Variants in MRPS35 observed in about 807,000 individuals in gnomAD.
The protein encoded by MRPS35 is small ribosomal subunit protein mS35.
In MRPS35, 29 loss-of-function variants were observed where a neutral mutation model predicts 32.7. The ratio of observed to expected loss-of-function variants is 0.89; its 90% CI spans 0.66 to 1.21. The LOEUF (loss-of-function observed/expected upper bound fraction) is 1.21, where lower values mean the gene tolerates loss of function less well. Among genes scored for constraint, MRPS35 ranks in the 50% most tolerant of loss-of-function variants. The pLI, the probability that MRPS35 is intolerant of heterozygous loss-of-function variation, is 0.00. For missense variants in MRPS35, 373 were observed against 383.8 expected (o/e 0.97, Z 0.23); for synonymous variants, 148 against 139.3 (o/e 1.06, Z -0.44).
At chr12:27,739,925 G>C (rs1420894740) in intron 7 of MRPS35, among the ~76,000 whole-genome samples, 1 of 152,210 alleles carries the variant, frequency 6.6e-6, no homozygotes, top group Non-Finnish European at 1.5e-5. Context: ...TTGATCTTTA[G>C]TGCTGATTAC....
intron 5 of MRPS35, among the ~76,000 whole-genome samples, chr12:27,727,556 G>GTT (rs989663590): frequency 6.6e-6 from 1 of 152,080 alleles, no homozygotes; most frequent in Non-Finnish European, 1.5e-5. Flanking sequence ...ACATAATGAT[G>GTT]TTTGTACATG....
At chr12:27,724,669 G>A (rs1016367202) in intron 5 of MRPS35, among the ~76,000 whole-genome samples, 3 of 152,060 alleles carry the variant, frequency 2.0e-5, no homozygotes, top group African/African-American at 7.2e-5. Flanking sequence ...CTTGAACCCG[G>A]GAGGCAGAGG....
At position 27,714,837 on chromosome 12, in the gene MRPS35, C is replaced by T. The variant is rs570643730; in HGVS notation, c.153+17C>T. 1.9e-4 allele frequency: 303 copies of T among 1,603,762 alleles called. 5 individuals are homozygous for T. In the South Asian group the frequency reaches 3.2e-3, roughly 17 times the overall value. On this transcript the variant is annotated intron_variant, in intron 2 of 7. Transcript: ENST00000081029. ...AGAAGAAAGGTAAAAAGTTCGTATA[C>T]TCTACTATCTTAATGGTTTCTGGAG...
intron 3 of MRPS35, among the ~76,000 whole-genome samples, chr12:27,717,717 T>A (rs1002224512): frequency 2.0e-5 from 3 of 152,140 alleles, no homozygotes; most frequent in African/African-American, 4.8e-5. Context: ...TTTAAAGAGG[T>A]CTTTGGAGAA....
rs574174510 is a variant in MRPS35, at chr12:27,723,494, A to G, written c.383-553A>G. ...TCACATAGAAAAAATATCAGTTCTT[A>G]TAAGAATCCATTTAAGGGCTTAGGC... On this transcript the variant is annotated intron_variant, in intron 4 of 7. Coordinates refer to ENST00000081029, the MANE Select transcript of MRPS35 (RefSeq NM_021821.4). 3.2e-4 allele frequency among the ~76,000 whole-genome samples: 49 copies of G among 152,310 alleles called. 1 individual carries two copies. The highest frequency in any genetic ancestry group is 1.0e-3 in the African/African-American group (42 of 41,566).
At chr12:27,716,530 C>A in intron 3 of MRPS35, 72 bp downstream of exon 3, 1 of 1,479,362 alleles carries the variant, frequency 6.8e-7, no homozygotes, top group Non-Finnish European at 9.4e-7. Flanking sequence ...CCTATTTCTG[C>A]TCTCTTATGC....
At chr12:27,751,127 G>GA (rs1360979683) in intron 7 of MRPS35, among the ~76,000 whole-genome samples, 1 of 89,598 alleles carries the variant, frequency 1.1e-5, no homozygotes, top group Non-Finnish European at 2.4e-5. Context: ...AAAAAAAAAA[G>GA]AAAAGAAAAG....
intron 7 of MRPS35, among the ~76,000 whole-genome samples, chr12:27,750,882 C>A (rs1018298966): frequency 6.6e-6 from 1 of 151,952 alleles, no homozygotes; most frequent in East Asian, 1.9e-4. Flanking sequence ...ACTGGCAGAT[C>A]ACCTGAGGTC....
chr12:27,747,100 C>T (rs1359634420), intron 7 of MRPS35, among the ~76,000 whole-genome samples: 1 of 152,178 alleles, frequency 6.6e-6, no homozygotes, highest in Admixed American at 6.5e-5. Context: ...ACCTCATTAC[C>T]AGCACTCAGG....
intron 7 of MRPS35, among the ~76,000 whole-genome samples, chr12:27,744,536 TG>T (rs1276814501): frequency 6.6e-6 from 1 of 152,262 alleles, no homozygotes; most frequent in Non-Finnish European, 1.5e-5. Flanking sequence ...CAGTTCATGA[TG>T]CAAATTTACA....
intron 7 of MRPS35, among the ~76,000 whole-genome samples, chr12:27,739,240 T>A (rs2061954395): frequency 6.6e-6 from 1 of 152,206 alleles, no homozygotes; most frequent in South Asian, 2.1e-4. Flanking sequence ...TAAGATGCAA[T>A]GAGCTACTTC....
In MRPS35 at chr12:27,755,237, G is replaced by A. The variant is rs1008713953; in HGVS notation, c.759G>A (p.Trp253Ter). ...KTEADMEEYIWENSSSERNIL... is the reference protein window; with the variant it reads ...KTEADMEEYI ...AAGCAGACATGGAAGAGTATATATGGGAAAATAGCTCATCAGAAAGAAATA... is the reference window on the plus strand; with the variant it reads ...AAGCAGACATGGAAGAGTATATATGAGAAAATAGCTCATCAGAAAGAAATA... The change falls in exon 8 of 8, where the codon TGG becomes TGA. Residue 253 changes from tryptophan (W) to a stop codon, truncating the protein, a stop_gained. Coordinates refer to ENST00000081029, the MANE Select transcript of MRPS35 (RefSeq NM_021821.4). LOFTEE classifies it low-confidence loss of function (END_TRUNC). 1.2e-6 allele frequency: 2 copies of A among 1,609,448 alleles called. No individual in the cohort carries two copies. The highest frequency in any genetic ancestry group is 2.7e-5 in the African/African-American group (2 of 74,468).
chr12:27,740,697 G>A (rs1037106213), intron 7 of MRPS35, among the ~76,000 whole-genome samples: 3 of 152,190 alleles, frequency 2.0e-5, no homozygotes, highest in African/African-American at 7.2e-5. Flanking sequence ...GACTCCAGTA[G>A]AAGGATATTA....
chr12:27,740,778 C>A (rs1455918910), intron 7 of MRPS35, among the ~76,000 whole-genome samples: 1 of 152,180 alleles, frequency 6.6e-6, no homozygotes, highest in Non-Finnish European at 1.5e-5. Flanking sequence ...ATAGACATCG[C>A]AAAGCCTAAG....
At chr12:27,729,198 T>C (rs2061911784) in intron 5 of MRPS35, among the ~76,000 whole-genome samples, 1 of 152,124 alleles carries the variant, frequency 6.6e-6, no homozygotes, top group African/African-American at 2.4e-5. Context: ...ATTTGAAAGT[T>C]TCCTTGTATT....
At chr12:27,730,694 C>G (rs1402614348) in intron 5 of MRPS35, among the ~76,000 whole-genome samples, 1 of 152,098 alleles carries the variant, frequency 6.6e-6, no homozygotes, top group Non-Finnish European at 1.5e-5. Context: ...TGGTCTGGAA[C>G]TCCTGGGCTC....
At chr12:27,744,171 A>G (rs556216736) in intron 7 of MRPS35, among the ~76,000 whole-genome samples, 58 of 152,326 alleles carry the variant, frequency 3.8e-4, no homozygotes, top group Non-Finnish European at 6.5e-4. Context: ...TAGTTGTCTT[A>G]GTCATGGATT....
Position 27,719,869 on chromosome 12 carries a change from G to A in MRPS35, c.382+1G>A, listed in dbSNP as rs1043851795. 1.3e-6 allele frequency: 2 copies of A among 1,597,300 alleles called. No individual in the cohort carries two copies. The highest frequency in any genetic ancestry group is 1.1e-5 in the South Asian group (1 of 89,824). ...AAAAAGCACTGTGAAGCCCTTAAAG[G>A]TAAGTGGTTATTTTCTTATATGAAT... On this transcript the variant is annotated splice_donor_variant, in intron 4 of 7. Transcript: ENST00000081029. LOFTEE classifies it high-confidence loss of function.
intron 5 of MRPS35, among the ~76,000 whole-genome samples, 173 bp from the exon 6 acceptor site, chr12:27,735,274 C>T (rs1003761139): frequency 3.3e-5 from 5 of 152,142 alleles, no homozygotes; most frequent in African/African-American, 1.2e-4. Flanking sequence ...TTTCTGTTTC[C>T]ATGAGTAAGA....
Sources: allele counts gnomAD v4.1 joint callset (sites outside exome capture counted in the v4.1 genomes callset), GRCh38; gene constraint gnomAD v4.1.1; transcripts MANE v1.5; gene names NCBI Gene and HGNC (gene_info 2026-07-23, HGNC 2026-07-21).